MAN2A2: variants seen among roughly 807,000 people sequenced by gnomAD.
The protein encoded by MAN2A2 is alpha-mannosidase 2x.
A neutral mutation model predicts 126.8 loss-of-function variants in MAN2A2; 79 were observed. The observed-to-expected ratio is 0.62, with a 90% CI of 0.52 to 0.75. MAN2A2 has a LOEUF of 0.75. Ranked by LOEUF, MAN2A2 falls within the 30% of genes least tolerant of loss-of-function variation. The pLI, the probability that MAN2A2 is intolerant of heterozygous loss-of-function variation, is 0.00. For synonymous variants in MAN2A2, 671 were observed against 618.7 expected, an observed-to-expected ratio of 1.08 and a Z score of -1.25; for missense variants, 1,392 against 1,522.4, an observed-to-expected ratio of 0.91 and a Z score of 1.43.
chr15:90,917,797 G>A (rs2035300121), intron 20 of MAN2A2: 1 of 171,200 alleles, frequency 5.8e-6, no homozygotes. Flanking sequence ...CGCTCGTGAA[G>A]CCGCAGATTA....
chr15:90,907,574 G>C, intron 8 of MAN2A2, 79 bp downstream of exon 8: 1 of 1,400,612 alleles, frequency 7.1e-7, no homozygotes, highest in African/African-American at 1.4e-5. Context: ...CGTGGAGGGT[G>C]GGCTCAGGTG....
At position 90,906,558 on chromosome 15, in the gene MAN2A2, G is replaced by A. The variant is rs995992027; in HGVS notation, c.835+61G>A. The A allele has an allele frequency of 3.1e-6, 5 of 1,612,528 alleles. No individual in the cohort carries two copies. The African/African-American group carries it at 6.7e-5, about 22-fold the overall frequency. On this transcript the variant is annotated intron_variant, in intron 6 of 22. Coordinates refer to ENST00000559717, the MANE Select transcript of MAN2A2 (RefSeq NM_006122.4). ...GGGCTGTAAGGCACAGGCAGGGGCT[G>A]TAAGGCACAGGGATCGGCAGGGGGT... is the stretch of plus-strand genomic sequence containing the variant.
intron 1 of MAN2A2, 143 bp from the exon 2 acceptor site, chr15:90,904,047 C>T: frequency 1.1e-6 from 1 of 880,120 alleles, no homozygotes; most frequent in Admixed American, 1.8e-5. Context: ...GGGCCAGCCT[C>T]AGATGTGCTG....
At chr15:90,905,199 C>T (rs1025356101) in intron 2 of MAN2A2, 52 bp from the exon 3 acceptor site, 10 of 1,588,662 alleles carry the variant, frequency 6.3e-6, no homozygotes, top group Non-Finnish European at 8.5e-6. Flanking sequence ...AAGCAGAGAC[C>T]CTCCCTGTGG....
intron 18 of MAN2A2, 43 bp from the exon 19 acceptor site, chr15:90,913,571 A>G (rs1471132546): frequency 2.5e-6 from 4 of 1,587,740 alleles, no homozygotes; most frequent in Non-Finnish European, 3.4e-6. Context: ...TTGGGCCCAC[A>G]TGGTGCCCGG....
At position 90,911,379 on chromosome 15, in the gene MAN2A2, G is replaced by A. The variant is rs746275572; in HGVS notation, c.1944-6G>A. On this transcript the variant is annotated splice_region_variant and splice_polypyrimidine_tract_variant and intron_variant, in intron 13 of 22. Coordinates refer to ENST00000559717, the MANE Select transcript of MAN2A2 (RefSeq NM_006122.4). ...CCTCCTGGGTCAGCCCACCTTCTAC[G>A]CACAGGTTTGTGGTCCTATTCAACC... is the stretch of plus-strand genomic sequence containing the variant. 37 of 1,614,158 alleles carry A rather than the reference G, an allele frequency of 2.3e-5. No individual in the cohort carries two copies. Among genetic ancestry groups the A allele is most frequent in the South Asian group, 5.5e-5 (5 of 91,086 alleles).
chr15:90,910,832 C>T lies in MAN2A2; in HGVS notation c.1761-15C>T. 6.2e-7 allele frequency: 1 copy of T among 1,611,084 alleles called. No individual in the cohort carries two copies. Among genetic ancestry groups the T allele is most frequent in the Non-Finnish European group, 8.5e-7 (1 of 1,177,542 alleles). ...TGGTCATCTTCTCTCCTTCCCTCTC[C>T]TGCGCCACCCACAGGCTTCTGCGCT... On this transcript the variant is annotated splice_polypyrimidine_tract_variant and intron_variant, in intron 11 of 22. Transcript: ENST00000559717.
At chr15:90,903,929 G>A in intron 1 of MAN2A2, 2 of 481,072 alleles carry the variant, frequency 4.2e-6, no homozygotes, top group South Asian at 4.0e-5. Context: ...CTTGTGTGGT[G>A]CGCTCCAGTC....
chr15:90,911,649 G>A lies in MAN2A2; in HGVS notation c.2109+99G>A, dbSNP rs2034755402. 15 of 1,339,072 alleles carry A rather than the reference G, an allele frequency of 1.1e-5. No individual in the cohort carries two copies. In the South Asian group the frequency reaches 1.7e-4, roughly 15 times the overall value. 82.9% of individuals were successfully genotyped at this position (1,339,072 alleles called of 1,614,324 possible). ...CTCCCACCCTCCTGCTTGTGGCCCT[G>A]CTACTCTCCAGGCTGAGGACAAGTG... On this transcript the variant is annotated intron_variant, in intron 14 of 22. Coordinates refer to ENST00000559717, the MANE Select transcript of MAN2A2 (RefSeq NM_006122.4).
upstream of MAN2A2, chr15:90,902,805 C>G (rs952597738): frequency 6.8e-6 from 1 of 146,272 alleles, no homozygotes; most frequent in African/African-American, 2.4e-5. Context: ...CGCCGGCGGC[C>G]CGGGGCCCAG....
rs374949623 is a variant in MAN2A2, at chr15:90,911,501, T to G, written c.2060T>G (p.Ile687Ser). 3 of 1,614,076 alleles carry G rather than the reference T, an allele frequency of 1.9e-6. No homozygotes were observed. The highest frequency in any genetic ancestry group is 2.5e-6 in the Non-Finnish European group (3 of 1,180,016). Residue 687 changes from isoleucine to serine, a missense_variant, in exon 14 of 23, where the codon ATC becomes AGC. Transcript: ENST00000559717. Reference protein sequence around the residue: ...SEEGQPLAVQISAHWSSATEA... With the variant: ...SEEGQPLAVQSSAHWSSATEA... ...GAGGGTCAGCCCCTGGCCGTGCAGA[T>G]CAGCGCACACTGGAGCTCTGCCACC...
At position 90,916,771 on chromosome 15, in the gene MAN2A2, G is replaced by A. The variant is rs975790026; in HGVS notation, c.2994+515G>A. ...CACTCGTGCATCAGATAGATATTGA[G>A]CACCTGCTTTACTGTGAGGACCCAG... is the stretch of plus-strand genomic sequence containing the variant. On this transcript the variant is annotated intron_variant, in intron 20 of 22. Transcript: ENST00000559717. 30 of 803,398 alleles carry A rather than the reference G, an allele frequency of 3.7e-5. No homozygotes were observed. In the African/African-American group the frequency reaches 3.9e-4, roughly 10 times the overall value. 49.8% of individuals were successfully genotyped at this position (803,398 alleles called of 1,614,324 possible).
At chr15:90,917,476 G>T (rs918273468) in intron 20 of MAN2A2, among the ~76,000 whole-genome samples, 1 of 152,212 alleles carries the variant, frequency 6.6e-6, no homozygotes, top group Admixed American at 6.5e-5. Flanking sequence ...CTGGAGGAGG[G>T]TGACAGCGGG....
Position 90,910,911 on chromosome 15 carries a change from G to A in MAN2A2, c.1825G>A (p.Gly609Arg). ...TCATGCAGCCCACTATCTGGTGCTG[G>A]GGGACAAGGAGACCTACCACTTTGA... is the stretch of plus-strand genomic sequence containing the variant. Reference protein sequence around the residue: ...IIHAAHYLVLGDKETYHFDPE... With the variant: ...IIHAAHYLVLRDKETYHFDPE... Residue 609 changes from glycine (G) to arginine (R), a missense_variant, in exon 12 of 23, where the codon GGG (glycine) becomes AGG (arginine). Transcript: ENST00000559717. 1.2e-6 allele frequency: 2 copies of A among 1,614,134 alleles called. No individual in the cohort carries two copies. The highest frequency in any genetic ancestry group is 1.7e-6 in the Non-Finnish European group (2 of 1,180,016).
chr15:90,921,457 C>T lies in MAN2A2; in HGVS notation c.*1670C>T, dbSNP rs1202107734. On this transcript the variant is annotated 3_prime_UTR_variant, in exon 23 of 23. Transcript: ENST00000559717. ...TCCTGCCAGATTCCCAGAGGATTCT[C>T]ACGCCACCATTACCTCACTCAGTGT... The T allele has an allele frequency of 6.6e-6, 1 of 152,376 alleles. No individual in the cohort carries two copies. The highest frequency in any genetic ancestry group is 2.4e-5 in the African/African-American group (1 of 41,458). The allele number at this position is 152,376 out of a possible 1,614,324, so 9.4% of individuals were successfully genotyped here. A position where few individuals can be genotyped will look rare whatever the true frequency, so the allele number is the denominator to read the frequency against.
chr15:90,906,590 T>C, intron 6 of MAN2A2, 93 bp downstream of exon 6: 2 of 1,595,500 alleles, frequency 1.3e-6, no homozygotes, highest in Non-Finnish European at 1.7e-6. Context: ...GGGTGGTTCC[T>C]TTCTAGGCAG....
At chr15:90,915,729 G>A (rs1261153983) in intron 19 of MAN2A2, among the ~76,000 whole-genome samples, 2 of 152,226 alleles carry the variant, frequency 1.3e-5, no homozygotes, top group South Asian at 2.1e-4. Context: ...CCCAGATTAC[G>A]GAGGTGTGCA....
At chr15:90,913,781 G>A (rs755136319) in intron 19 of MAN2A2, 26 bp downstream of exon 19, 1 of 1,563,934 alleles carries the variant, frequency 6.4e-7, no homozygotes, top group East Asian at 2.3e-5. Context: ...GAGTTCTGCA[G>A]AGGGTATCAG....
At chr15:90,906,522 G>A (rs780303210) in intron 6 of MAN2A2, 25 bp downstream of exon 6, 1 of 1,614,104 alleles carries the variant, frequency 6.2e-7, no homozygotes, top group Non-Finnish European at 8.5e-7. Context: ...AGGCATGGGG[G>A]TCTGCCCCCT....
Sources: allele counts gnomAD v4.1 joint callset (sites outside exome capture counted in the v4.1 genomes callset), GRCh38; gene constraint gnomAD v4.1.1; transcripts MANE v1.5; gene names NCBI Gene and HGNC (gene_info 2026-07-23, HGNC 2026-07-21).